Variants in PCDHGA6 observed in about 807,000 individuals in gnomAD.
PCDHGA6 encodes protocadherin gamma-A6.
In PCDHGA6, 41 loss-of-function variants were observed where a neutral mutation model predicts 60.6. The ratio of observed to expected loss-of-function variants is 0.68; its 90% confidence interval spans 0.53 to 0.88. The LOEUF (loss-of-function observed/expected upper bound fraction) is 0.88. Ranked by LOEUF, PCDHGA6 falls within the 40% of genes least tolerant of loss-of-function variation. The pLI, the probability that PCDHGA6 is intolerant of heterozygous loss-of-function variation, is 0.00. For missense variants in PCDHGA6, 1,312 were observed against 1,203.0 expected (o/e 1.09, Z -1.34); for synonymous variants, 594 against 524.4 (o/e 1.13, Z -1.81).
Position 141,477,128 on chromosome 5 carries a change from G to C in PCDHGA6, c.2425-17679G>C. On this transcript the variant is annotated intron_variant, in intron 1 of 3. Transcript: ENST00000517434. The surrounding 1 kb of genome is among the most constrained non-coding windows in gnomAD (Gnocchi z 4.9). ...CAATCCCGAAGGAGCACATTGCAAA[G>C]TGTTGGTGGAGGTTGTGGATGTGAA... 1.9e-6 allele frequency: 3 copies of C among 1,614,250 alleles called. No homozygotes were observed. The highest frequency in any genetic ancestry group is 2.5e-6 in the Non-Finnish European group (3 of 1,180,046).
chr5:141,421,338 A>G (rs560707757), intron 1 of PCDHGA6: 2 of 1,613,966 alleles, frequency 1.2e-6, no homozygotes, highest in Non-Finnish European at 1.7e-6. Context: ...ATTCGGTGCC[A>G]GAAGAGACCG....
chr5:141,399,677 A>G, intron 1 of PCDHGA6: 1 of 1,613,540 alleles, frequency 6.2e-7, no homozygotes, highest in Non-Finnish European at 8.5e-7. Flanking sequence ...CGCGCCTTTG[A>G]CTACGAGCAG....
intron 1 of PCDHGA6, among the ~76,000 whole-genome samples, chr5:141,438,002 A>G (rs200179547): frequency 1.3e-5 from 2 of 152,072 alleles, no homozygotes; most frequent in East Asian, 1.9e-4. Flanking sequence ...CAGCCTCCCA[A>G]ATAGCTGAGA....
intron 1 of PCDHGA6, chr5:141,492,006 G>T (rs2099736069): frequency 7.8e-6 from 5 of 643,420 alleles, no homozygotes; most frequent in Non-Finnish European, 1.3e-5. Context: ...GGCGATTTCC[G>T]CGGGTGTCGG....
intron 1 of PCDHGA6, chr5:141,419,377 C>T: frequency 6.2e-6 from 10 of 1,613,690 alleles, no homozygotes; most frequent in Admixed American, 3.3e-5. Flanking sequence ...CCTACGTGTC[C>T]GTGAGCGCGC....
At position 141,404,170 on chromosome 5, in the gene PCDHGA6, G is replaced by A. The variant is rs73279089; in HGVS notation, c.2424+27663G>A. 22 of 1,612,630 alleles carry A rather than the reference G, an allele frequency of 1.4e-5. No individual in the cohort carries two copies. In the East Asian group the frequency reaches 1.8e-4, roughly 13 times the overall value. On this transcript the variant is annotated intron_variant, in intron 1 of 3. Coordinates refer to ENST00000517434, the MANE Select transcript of PCDHGA6 (RefSeq NM_018919.3). ...AAGAAGATTATTACAGATTGTTGACGGCCCAAATTCTTGACCGAGAAAAAG... is the reference window on the plus strand; with the variant it reads ...AAGAAGATTATTACAGATTGTTGACAGCCCAAATTCTTGACCGAGAAAAAG...
At position 141,491,640 on chromosome 5, in the gene PCDHGA6, T is replaced by A; in HGVS notation, c.2425-3167T>A. 6.2e-7 allele frequency: 1 copy of A among 1,613,804 alleles called. No homozygotes were observed. Among genetic ancestry groups the A allele is most frequent in the South Asian group, 1.1e-5 (1 of 91,086 alleles). On this transcript the variant is annotated intron_variant, in intron 1 of 3. Coordinates refer to ENST00000517434, the MANE Select transcript of PCDHGA6 (RefSeq NM_018919.3). This position sits in a 1 kb window ranked among gnomAD's most constrained non-coding sequence, Gnocchi z 6.9. ...CCCTCAGCGTTCAGCAGCCCACAGC[T>A]CTGGCGCTGGAGCCTGACGCCATCC...
In PCDHGA6 at chr5:141,486,030, C is replaced by T. The variant is rs2099623234; in HGVS notation, c.2425-8777C>T. 2 of 1,614,046 alleles carry T rather than the reference C, an allele frequency of 1.2e-6. No homozygotes were observed. Among genetic ancestry groups the T allele is most frequent in the African/African-American group, 1.3e-5 (1 of 74,918 alleles). On this transcript the variant is annotated intron_variant, in intron 1 of 3. Coordinates refer to ENST00000517434, the MANE Select transcript of PCDHGA6 (RefSeq NM_018919.3). This position sits in a 1 kb window ranked among gnomAD's most constrained non-coding sequence, Gnocchi z 5.0. ...ACCTTTTATTTCAGTGGTCATACCC[C>T]TGATCGTGTAAGAAACCTCTTTAGC...
chr5:141,492,230 C>T (rs1286145654), intron 1 of PCDHGA6, among the ~76,000 whole-genome samples: 1 of 152,196 alleles, frequency 6.6e-6, no homozygotes. Flanking sequence ...CGTGTCCTCC[C>T]TGCTGGCCAC....
At position 141,487,493 on chromosome 5, in the gene PCDHGA6, C is replaced by A. The variant is rs1372433097; in HGVS notation, c.2425-7314C>A. 5.6e-6 allele frequency: 9 copies of A among 1,614,050 alleles called. No individual in the cohort carries two copies. The highest frequency in any genetic ancestry group is 6.8e-6 in the Non-Finnish European group (8 of 1,180,034). On this transcript the variant is annotated intron_variant, in intron 1 of 3. Coordinates refer to ENST00000517434, the MANE Select transcript of PCDHGA6 (RefSeq NM_018919.3). This position sits in a 1 kb window ranked among gnomAD's most constrained non-coding sequence, Gnocchi z 5.0. ...GGGAGGCCACTCTCATGGCTGTACACCCTTGGCTTCTGCACCCACTCGGAG... is the reference window on the plus strand; with the variant it reads ...GGGAGGCCACTCTCATGGCTGTACAACCTTGGCTTCTGCACCCACTCGGAG...
chr5:141,394,329 T>C (rs769172287), intron 1 of PCDHGA6: 6 of 1,613,980 alleles, frequency 3.7e-6, no homozygotes, highest in Non-Finnish European at 5.1e-6. Context: ...CTCGTATATC[T>C]CCATCAACTC....
chr5:141,384,259 C>T, intron 1 of PCDHGA6: 2 of 1,613,886 alleles, frequency 1.2e-6, no homozygotes, highest in African/African-American at 1.3e-5. Flanking sequence ...CACCTTCCCC[C>T]ACTCATCCTA....
Position 141,374,073 on chromosome 5 carries a change from A to AT in PCDHGA6, c.-10dup. The AT allele has an allele frequency of 6.6e-7, 1 of 1,510,034 alleles. No individual in the cohort carries two copies. The highest frequency in any genetic ancestry group is 8.8e-7 in the Non-Finnish European group (1 of 1,130,878). 93.5% of individuals were successfully genotyped at this position (1,510,034 alleles called of 1,614,324 possible). A position where few individuals can be genotyped will look rare whatever the true frequency, so the allele number is the denominator to read the frequency against. Reference sequence around the variant, plus strand: ...CTTCTTAATCCCAGAGAAGTTCCTAATAAGCCAGTAATGGCGCCTCCGCAG... The same window carrying AT: ...CTTCTTAATCCCAGAGAAGTTCCTAATTAAGCCAGTAATGGCGCCTCCGCAG... On this transcript the variant is annotated 5_prime_UTR_variant, in exon 1 of 4. Transcript: ENST00000517434.
In PCDHGA6 at chr5:141,422,057, A is replaced by T. The variant is rs1356083259; in HGVS notation, c.2424+45550A>T. 3.1e-6 allele frequency: 5 copies of T among 1,611,974 alleles called. No individual in the cohort carries two copies. The South Asian group carries it at 5.5e-5, about 18-fold the overall frequency. On this transcript the variant is annotated intron_variant, in intron 1 of 3. Transcript: ENST00000517434. The stretch of plus-strand genomic sequence containing the variant: ...GATCCAGACGAGGGAATCAACGGGG[A>T]AGTAATGTATTCATTTCGGAACATG...
At chr5:141,504,570 AC>A (rs1468526948) in intron 2 of PCDHGA6, among the ~76,000 whole-genome samples, 1 of 148,874 alleles carries the variant, frequency 6.7e-6, no homozygotes, top group Admixed American at 6.9e-5. Flanking sequence ...ATTCTAGGGA[AC>A]ACCATCTGCC....
At chr5:141,488,705 G>C (rs1024064135) in intron 1 of PCDHGA6, among the ~76,000 whole-genome samples, 8 of 152,200 alleles carry the variant, frequency 5.3e-5, no homozygotes, top group Non-Finnish European at 1.2e-4. Context: ...AGATTTTGCT[G>C]GTTCAAGCAA....
chr5:141,413,390 C>G, intron 1 of PCDHGA6: 1 of 1,614,010 alleles, frequency 6.2e-7, no homozygotes, highest in Non-Finnish European at 8.5e-7. Context: ...CGCATAGTCT[C>G]CAGAGGTAGG....
intron 1 of PCDHGA6, chr5:141,428,729 A>T (rs1362138016): frequency 6.3e-6 from 1 of 159,768 alleles, no homozygotes; most frequent in East Asian, 1.8e-4. Flanking sequence ...AATCTTAAAC[A>T]TATTATATCT....
At chr5:141,427,914 A>C in intron 1 of PCDHGA6, 1 of 1,576,800 alleles carries the variant, frequency 6.3e-7, no homozygotes, top group Non-Finnish European at 8.7e-7. Flanking sequence ...CAGCGCCAAC[A>C]TGAGCCGGCG....
Sources: gnomAD v4.1 joint callset for allele counts (sites outside exome capture counted in the v4.1 genomes callset) on GRCh38, gnomAD v4.1.1 for gene constraint, Gnocchi (gnomAD v3.1) non-coding constraint, MANE v1.5 for transcripts, NCBI Gene and HGNC (gene_info 2026-07-23, HGNC 2026-07-21) for gene names.